Variants in PRSS23 observed in about 807,000 individuals in gnomAD.
PRSS23 encodes the protein protease, serine 23.
A neutral mutation model predicts 34.7 loss-of-function variants in PRSS23; 25 were observed. The ratio of observed to expected loss-of-function variants is 0.72; its 90% CI spans 0.53 to 1.01. The LOEUF is 1.01. Ranked by LOEUF, PRSS23 falls within the 50% of genes least tolerant of loss-of-function variation. The pLI is 0.00. For synonymous variants in PRSS23, 176 were observed against 186.6 expected (o/e 0.94, Z 0.46); for missense variants, 445 against 475.6 (o/e 0.94, Z 0.60).
chr11:86,866,802 TAA>T (rs1236077443), intron 2 of PRSS23, among the ~76,000 whole-genome samples: 1 of 152,120 alleles, frequency 6.6e-6, no homozygotes, highest in East Asian at 1.9e-4. Flanking sequence ...AGCTGCTTGT[TAA>T]AAAGAGTCCC....
intron 2 of PRSS23, among the ~76,000 whole-genome samples, chr11:86,900,020 T>G (rs1276002334): frequency 6.6e-6 from 1 of 151,950 alleles, no homozygotes; most frequent in Non-Finnish European, 1.5e-5. Flanking sequence ...TGGAGGGAAG[T>G]AGGAAATTGA....
intron 1 of PRSS23, among the ~76,000 whole-genome samples, chr11:86,820,580 A>C (rs1209898975): frequency 6.6e-6 from 1 of 152,242 alleles, no homozygotes; most frequent in Non-Finnish European, 1.5e-5. Context: ...TTTAAGTATT[A>C]CTAACGCTTT....
chr11:86,952,701 C>G, exon 3 of PRSS23: 1 of 462,746 alleles, frequency 2.2e-6, no homozygotes, highest in African/African-American at 1.9e-5. Flanking sequence ...GAAGAATGTA[C>G]ATAAATAAAT....
chr11:86,872,418 G>T (rs7118936), intron 2 of PRSS23, among the ~76,000 whole-genome samples: 2 of 152,080 alleles, frequency 1.3e-5, no homozygotes, highest in South Asian at 2.1e-4. Flanking sequence ...CACTTAACAC[G>T]TTCCTGATTC....
chr11:86,912,723 C>T (rs1391808767), intron 2 of PRSS23, among the ~76,000 whole-genome samples: 1 of 152,090 alleles, frequency 6.6e-6, no homozygotes, highest in African/African-American at 2.4e-5. Context: ...ATAATAACTA[C>T]TTTAAAATTC....
At chr11:86,813,907 G>A (rs1948197375), downstream of PRSS23, among the ~76,000 whole-genome samples, 1 of 152,154 alleles carries the variant, frequency 6.6e-6, no homozygotes, top group African/African-American at 2.4e-5. Context: ...TTTGACTTTG[G>A]AAGTAGAGGA....
intron 2 of PRSS23, among the ~76,000 whole-genome samples, chr11:86,898,301 G>A (rs1948889739): frequency 6.6e-6 from 1 of 152,240 alleles, no homozygotes; most frequent in South Asian, 2.1e-4. Flanking sequence ...TGAACCAGAT[G>A]GGACAAGTGA....
At chr11:86,805,811 A>C (rs987150341) in intron 1 of PRSS23, among the ~76,000 whole-genome samples, 11 of 152,260 alleles carry the variant, frequency 7.2e-5, no homozygotes, top group Admixed American at 6.5e-4. Flanking sequence ...AAAAGGGAGC[A>C]AAAGGCACCC....
At position 86,901,081 on chromosome 11, in the gene PRSS23, G is replaced by A. The variant is rs116921819; in HGVS notation, c.207-50135G>A. ...ATTACAGGCATGAGCAACCATACCC[G>A]GCTTATCATCTCTTTCTTAAAGAGG... On this transcript the variant is annotated intron_variant, in intron 2 of 2. Coordinates refer to the PRSS23 transcript ENST00000533902. Among the ~76,000 whole-genome samples the A allele has an allele frequency of 2.9e-3, 435 of 151,948 alleles. 4 individuals are homozygous for A. Among genetic ancestry groups the A allele is most frequent in the Non-Finnish European group, 4.3e-3 (290 of 67,986 alleles).
intron 2 of PRSS23, among the ~76,000 whole-genome samples, chr11:86,908,035 G>T (rs150804325): frequency 1.2e-3 from 183 of 152,306 alleles, no homozygotes; most frequent in African/African-American, 4.1e-3. Flanking sequence ...CATTCATGTT[G>T]TTGCATATGG....
chr11:86,877,924 G>C (rs1948735935), intron 2 of PRSS23, among the ~76,000 whole-genome samples: 1 of 150,792 alleles, frequency 6.6e-6, no homozygotes, highest in African/African-American at 2.4e-5. Flanking sequence ...CATTGACTCT[G>C]TGGGCCATTT....
chr11:86,940,257 C>T (rs11234887), intron 2 of PRSS23, among the ~76,000 whole-genome samples: 70,857 of 151,976 alleles, frequency 0.47, 17,835 homozygotes, highest in African/African-American at 0.66. Flanking sequence ...TGCAAGCTGC[C>T]GTGGCCTCTG....
intron 2 of PRSS23, among the ~76,000 whole-genome samples, chr11:86,924,313 G>A (rs7116140): frequency 0.59 from 90,251 of 151,934 alleles, 27,198 homozygotes; most frequent in Non-Finnish European, 0.65. Flanking sequence ...GCTCAGAGAA[G>A]AAAGGGCTGC....
At chr11:86,797,891 A>G (rs1947991620), upstream of PRSS23, among the ~76,000 whole-genome samples, 1 of 152,226 alleles carries the variant, frequency 6.6e-6, no homozygotes, top group African/African-American at 2.4e-5. Flanking sequence ...TTAAGTGAAA[A>G]GCCACACAAC....
At chr11:86,879,967 G>C (rs1253061524) in intron 2 of PRSS23, among the ~76,000 whole-genome samples, 2 of 151,474 alleles carry the variant, frequency 1.3e-5, no homozygotes, top group African/African-American at 2.4e-5. Context: ...CATTGAGAAC[G>C]GGCCATGATG....
chr11:86,892,956 G>A (rs12797228), intron 2 of PRSS23, among the ~76,000 whole-genome samples: 49,358 of 152,066 alleles, frequency 0.32, 9,154 homozygotes, highest in Non-Finnish European at 0.41. Context: ...CCCTTGGAAT[G>A]TGGCCTTATC....
intron 2 of PRSS23, among the ~76,000 whole-genome samples, chr11:86,838,389 G>A (rs2134899783): frequency 6.6e-6 from 1 of 152,280 alleles, no homozygotes; most frequent in Admixed American, 6.5e-5. Context: ...ATCAACCTGT[G>A]GGGCTGCAGC....
upstream of PRSS23, chr11:86,800,147 C>G (rs1433987247): frequency 6.6e-6 from 1 of 152,362 alleles, no homozygotes; most frequent in Admixed American, 6.5e-5. Context: ...TTTTTGCGAG[C>G]TGGCAGCGTG....
intron 2 of PRSS23, among the ~76,000 whole-genome samples, chr11:86,859,912 T>C (rs1027895603): frequency 1.3e-5 from 2 of 151,854 alleles, no homozygotes. Context: ...ATTGCAGGGG[T>C]TATACACACC....
Sources: allele counts gnomAD v4.1 joint callset (sites outside exome capture counted in the v4.1 genomes callset), GRCh38; gene constraint gnomAD v4.1.1; transcripts MANE v1.5; gene names NCBI Gene and HGNC (gene_info 2026-07-23, HGNC 2026-07-21).